Variants in ABCC1 observed in about 807,000 individuals in gnomAD.
ABCC1 encodes the protein ATP binding cassette subfamily C member 1 (ABCC1 blood group).
ABCC1 carries 83 observed loss-of-function variants against 172.9 expected under a neutral mutation model. The ratio of observed to expected loss-of-function variants is 0.48; its 90% CI spans 0.40 to 0.58. ABCC1 has a LOEUF of 0.58. ABCC1 is among the 20% of genes least tolerant of loss of function. The pLI, the probability that ABCC1 is intolerant of heterozygous loss-of-function variation, is 0.00. For missense variants in ABCC1, 1,817 were observed against 2,002.7 expected (o/e 0.91, Z 1.77); for synonymous variants, 937 against 825.2 (o/e 1.14, Z -2.32).
rs572058494 is a variant in ABCC1 at position 16,082,873 on chromosome 16, C to T, written c.2116-493C>T. Among the ~76,000 whole-genome samples, 6 of 152,314 alleles carry T rather than the reference C, an allele frequency of 3.9e-5. No homozygotes were observed. In the East Asian group the frequency reaches 1.2e-3, roughly 29 times the overall value. On this transcript the variant is annotated intron_variant, in intron 16 of 30. Transcript: ENST00000399410. ...ATGTTGTCCAGGCTGGCTTTGAACT[C>T]CTGACCTCAAGCAGTCTGCCTGCCT... is the stretch of plus-strand genomic sequence containing the variant.
chr16:16,075,225 A>T (rs1434481621), intron 14 of ABCC1, among the ~76,000 whole-genome samples: 1 of 152,118 alleles, frequency 6.6e-6, no homozygotes, highest in Non-Finnish European at 1.5e-5. Context: ...GATTACAGGC[A>T]TGAGCCCCTG....
At chr16:15,963,239 C>T (rs1006013472) in intron 1 of ABCC1, among the ~76,000 whole-genome samples, 5 of 152,258 alleles carry the variant, frequency 3.3e-5, no homozygotes, top group Admixed American at 2.0e-4. Context: ...CTTCCACGGC[C>T]TTGGGCAGCT....
At chr16:16,058,743 C>T (rs183865482) in intron 12 of ABCC1, among the ~76,000 whole-genome samples, 11 of 152,280 alleles carry the variant, frequency 7.2e-5, no homozygotes, top group East Asian at 1.9e-4. Flanking sequence ...CTCTGCCTCC[C>T]GGGTTCAAGC....
intron 4 of ABCC1, among the ~76,000 whole-genome samples, 173 bp downstream of exon 4, chr16:16,014,801 C>A (rs2047934023): frequency 6.6e-6 from 1 of 152,196 alleles, no homozygotes; most frequent in Non-Finnish European, 1.5e-5. Flanking sequence ...CTCACTAAAT[C>A]AGCCCCAGCC....
chr16:16,041,420 G>A (rs2151864779), intron 7 of ABCC1, among the ~76,000 whole-genome samples: 1 of 152,256 alleles, frequency 6.6e-6, no homozygotes, highest in Non-Finnish European at 1.5e-5. Context: ...TTGAAAGCGG[G>A]CCACCTGAGA....
intron 30 of ABCC1, among the ~76,000 whole-genome samples, chr16:16,140,867 G>A (rs2046101871): frequency 6.6e-6 from 1 of 152,208 alleles, no homozygotes; most frequent in South Asian, 2.1e-4. Flanking sequence ...ATTGTAGACT[G>A]TGGTAAGATC....
At chr16:16,096,094 C>G (rs2051464527) in intron 19 of ABCC1, among the ~76,000 whole-genome samples, 1 of 152,008 alleles carries the variant, frequency 6.6e-6, no homozygotes, top group Non-Finnish European at 1.5e-5. Context: ...TGGTGAAACC[C>G]CATCTCTACT....
intron 1 of ABCC1, among the ~76,000 whole-genome samples, chr16:15,973,274 T>C (rs956948403): frequency 6.6e-6 from 1 of 152,164 alleles, no homozygotes; most frequent in Non-Finnish European, 1.5e-5. Flanking sequence ...TTAAATCGCC[T>C]ATTATCAGTG....
chr16:16,024,518 A>C (rs1355957781), intron 5 of ABCC1, among the ~76,000 whole-genome samples: 1 of 152,030 alleles, frequency 6.6e-6, no homozygotes, highest in East Asian at 1.9e-4. Context: ...CGCCCAAGTA[A>C]CTTTTTCTGT....
intron 1 of ABCC1, among the ~76,000 whole-genome samples, chr16:15,961,054 C>T (rs2046118940): frequency 6.9e-6 from 1 of 145,022 alleles, no homozygotes; most frequent in African/African-American, 2.6e-5. Context: ...CTATGCTGCT[C>T]AGGCTGGTCT....
chr16:16,032,220 A>AC (rs2048584256), intron 5 of ABCC1, among the ~76,000 whole-genome samples: 2 of 151,906 alleles, frequency 1.3e-5, no homozygotes, highest in African/African-American at 4.8e-5. Context: ...CGATCTCTTG[A>AC]CCTCATGATC....
At chr16:16,029,088 C>T (rs993858616) in intron 5 of ABCC1, among the ~76,000 whole-genome samples, 4 of 152,172 alleles carry the variant, frequency 2.6e-5, no homozygotes, top group Non-Finnish European at 4.4e-5. Context: ...ATCACCCCTC[C>T]GAGCCCCAGA....
intron 19 of ABCC1, among the ~76,000 whole-genome samples, chr16:16,099,409 A>G (rs2051627830): frequency 1.3e-5 from 2 of 152,094 alleles, no homozygotes; most frequent in Non-Finnish European, 2.9e-5. Flanking sequence ...GCCAGACTGG[A>G]CCCATCCCTC....
At chr16:15,999,809 C>CTCTCTCTCTCTTCT (rs374395529) in intron 1 of ABCC1, among the ~76,000 whole-genome samples, 1 of 8,360 alleles carries the variant, frequency 1.2e-4, no homozygotes, top group Non-Finnish European at 3.1e-4. Flanking sequence ...CTCTCTCTCT[C>CTCTCTCTCTCTTCT]CTCTCTCTCT....
At chr16:16,043,109 C>T (rs1473393124) in intron 7 of ABCC1, among the ~76,000 whole-genome samples, 5 of 151,674 alleles carry the variant, frequency 3.3e-5, no homozygotes, top group Admixed American at 6.6e-5. Flanking sequence ...GTGATCCACC[C>T]GCCTCGACCT....
chr16:16,034,317 A>G (rs1054329247), intron 6 of ABCC1, among the ~76,000 whole-genome samples: 6 of 152,170 alleles, frequency 3.9e-5, no homozygotes, highest in Non-Finnish European at 8.8e-5. Context: ...GTGAACCACC[A>G]TGCCCGGTCT....
intron 1 of ABCC1, among the ~76,000 whole-genome samples, chr16:15,955,170 G>C (rs1448632672): frequency 6.6e-6 from 1 of 152,098 alleles, no homozygotes; most frequent in South Asian, 2.1e-4. Flanking sequence ...AGTCTGGGCA[G>C]AATGGTGAAA....
chr16:16,047,813 A>G (rs369391194), intron 9 of ABCC1, among the ~76,000 whole-genome samples: 1 of 151,292 alleles, frequency 6.6e-6, no homozygotes, highest in East Asian at 2.0e-4. Context: ...AGAATCCAAA[A>G]CAACTCCCCC....
chr16:16,068,533 A>C (rs2050202482), intron 13 of ABCC1, among the ~76,000 whole-genome samples: 2 of 152,212 alleles, frequency 1.3e-5, no homozygotes, highest in Non-Finnish European at 2.9e-5. Context: ...TTAATGCAGC[A>C]GGGCTTTCCC....
Sources: gnomAD v4.1 joint callset for allele counts (sites outside exome capture counted in the v4.1 genomes callset) on GRCh38, gnomAD v4.1.1 for gene constraint, MANE v1.5 for transcripts, NCBI Gene and HGNC (gene_info 2026-07-23, HGNC 2026-07-21) for gene names.